Variants in PDE1C observed in about 807,000 individuals in gnomAD.
The protein encoded by PDE1C is phosphodiesterase 1C.
A neutral mutation model predicts 93.1 loss-of-function variants in PDE1C; 62 were observed. The observed-to-expected ratio is 0.67, with a 90% CI of 0.54 to 0.82. The LOEUF (loss-of-function observed/expected upper bound fraction) is 0.82, where lower values mean the gene tolerates loss of function less well. PDE1C is among the 40% of genes least tolerant of loss of function. PDE1C has a pLI of 0.00. For synonymous variants in PDE1C, 325 were observed against 310.1 expected (o/e 1.05, Z -0.50); for missense variants, 742 against 884.6 (o/e 0.84, Z 2.04).
chr7:31,837,482 A>C (rs1437692873), intron 10 of PDE1C, among the ~76,000 whole-genome samples, 182 bp from the exon 11 acceptor site: 1 of 152,206 alleles, frequency 6.6e-6, no homozygotes, highest in Non-Finnish European at 1.5e-5. Context: ...CTTGGTCTCC[A>C]TATTTACGGA....
intron 1 of PDE1C, among the ~76,000 whole-genome samples, chr7:32,372,953 A>G (rs1784358773): frequency 6.6e-6 from 1 of 152,250 alleles, no homozygotes; most frequent in African/African-American, 2.4e-5. Context: ...TTAAAATGCT[A>G]TGCATTCCAA....
intron 13 of PDE1C, 23 bp from the exon 14 acceptor site, chr7:31,823,271 C>A (rs377433263): frequency 1.1e-4 from 182 of 1,594,742 alleles, no homozygotes; most frequent in Non-Finnish European, 1.5e-4. Context: ...AAAATCATAC[C>A]AAAGAAGAGA....
chr7:31,750,263 A>C (rs1337560621), downstream of PDE1C, among the ~76,000 whole-genome samples: 1 of 150,158 alleles, frequency 6.7e-6, no homozygotes, highest in Non-Finnish European at 1.5e-5. Context: ...TCATGAGGGC[A>C]AGAGACGGCC....
rs759907476 is a variant in PDE1C at position 31,815,917 on chromosome 7, T to C, written c.1813+7A>G. Reference sequence around the variant, plus strand: ...AAAGAGCCCTTCACCAGTGTAAGTCTACTCACCATTCTGTTGCTGTTCTCC... The same window carrying C: ...AAAGAGCCCTTCACCAGTGTAAGTCCACTCACCATTCTGTTGCTGTTCTCC... On this transcript the variant is annotated splice_region_variant and intron_variant, in intron 15 of 17. Coordinates refer to ENST00000396191, the MANE Select transcript of PDE1C (RefSeq NM_001191057.4). 1.3e-6 allele frequency: 2 copies of C among 1,584,292 alleles called. No individual in the cohort carries two copies. The highest frequency in any genetic ancestry group is 1.7e-5 in the Admixed American group (1 of 59,958).
chr7:32,110,890 CTCTCACATTGAACACA>C (rs1261738655), intron 3 of PDE1C, among the ~76,000 whole-genome samples: 5 of 152,280 alleles, frequency 3.3e-5, no homozygotes, highest in Admixed American at 1.3e-4. Context: ...ATTGAACATA[CTCTCACATTGAACACA>C]TCTCACATTG....
At chr7:32,182,266 T>C (rs900570291) in intron 2 of PDE1C, among the ~76,000 whole-genome samples, 49 of 152,230 alleles carry the variant, frequency 3.2e-4, no homozygotes, top group African/African-American at 9.9e-4. Context: ...TTCCAATCAA[T>C]AGAAAAAGAG....
intron 2 of PDE1C, among the ~76,000 whole-genome samples, chr7:32,048,193 G>A (rs73098636): frequency 6.6e-6 from 1 of 152,110 alleles, no homozygotes; most frequent in Non-Finnish European, 1.5e-5. Flanking sequence ...AAGGCTGAAG[G>A]TTTGCTCTAT....
At chr7:32,096,016 G>T (rs1029864437) in intron 3 of PDE1C, among the ~76,000 whole-genome samples, 1 of 152,132 alleles carries the variant, frequency 6.6e-6, no homozygotes, top group Non-Finnish European at 1.5e-5. Context: ...GCTCAAATAA[G>T]TTATAGAAAT....
At chr7:32,239,956 T>C (rs1808418507) in intron 1 of PDE1C, among the ~76,000 whole-genome samples, 1 of 152,216 alleles carries the variant, frequency 6.6e-6, no homozygotes, top group Non-Finnish European at 1.5e-5. Context: ...CTCTTTCCTT[T>C]TGTCACAATC....
intron 3 of PDE1C, among the ~76,000 whole-genome samples, chr7:32,132,885 G>A (rs931296641): frequency 5.3e-5 from 8 of 151,988 alleles, no homozygotes; most frequent in Non-Finnish European, 1.0e-4. Context: ...GACTAGATGT[G>A]GGATTTGTGA....
At chr7:31,905,904 T>TC (rs1375587002) in intron 2 of PDE1C, among the ~76,000 whole-genome samples, 1 of 152,118 alleles carries the variant, frequency 6.6e-6, no homozygotes, top group Non-Finnish European at 1.5e-5. Context: ...ACGGGACTTT[T>TC]CCCCCTCTTG....
the PDE1C span, among the ~76,000 whole-genome samples, chr7:31,633,275 C>G: frequency 6.6e-6 from 1 of 152,132 alleles, no homozygotes; most frequent in African/African-American, 2.4e-5. Flanking sequence ...CTGCACTACT[C>G]CAAGGAGCAG....
intron 2 of PDE1C, among the ~76,000 whole-genome samples, chr7:32,192,367 G>A (rs1350617299): frequency 6.6e-6 from 1 of 151,878 alleles, no homozygotes; most frequent in Non-Finnish European, 1.5e-5. Flanking sequence ...ATTATTTTTT[G>A]TTTAATGTGT....
chr7:32,098,229 C>CAAAAAAAAAAAAAAAAAAAA (rs60146342), intron 3 of PDE1C, among the ~76,000 whole-genome samples: 16 of 46,232 alleles, frequency 3.5e-4, no homozygotes, highest in Admixed American at 4.5e-4. Context: ...GACTCCGTCT[C>CAAAAAAAAAAAAAAAAAAAA]AAAAAAAAAA....
chr7:32,059,901 C>T (rs1241297444), intron 1 of PDE1C, among the ~76,000 whole-genome samples: 2 of 152,204 alleles, frequency 1.3e-5, no homozygotes, highest in Non-Finnish European at 2.9e-5. Flanking sequence ...TATTTACAAC[C>T]ACTTGCTGTG....
chr7:32,138,318 G>A (rs141717194), intron 3 of PDE1C, among the ~76,000 whole-genome samples: 157 of 152,202 alleles, frequency 1.0e-3, no homozygotes, highest in African/African-American at 3.2e-3. Context: ...ACTTAGAGGT[G>A]TGTTATGAAA....
intron 17 of PDE1C, among the ~76,000 whole-genome samples, chr7:31,763,268 C>CTTTT (rs1463561923): frequency 6.6e-6 from 1 of 152,138 alleles, no homozygotes; most frequent in East Asian, 1.9e-4. Flanking sequence ...ATTGTAGAAA[C>CTTTT]ACAATTTAGC....
intron 1 of PDE1C, among the ~76,000 whole-genome samples, chr7:32,307,047 T>A (rs1310465083): frequency 1.3e-5 from 2 of 152,262 alleles, no homozygotes; most frequent in African/African-American, 4.8e-5. Context: ...CTGGAGAGGA[T>A]TCAGACCTTC....
At chr7:32,359,351 T>C (rs1562689663) in intron 1 of PDE1C, among the ~76,000 whole-genome samples, 2 of 152,240 alleles carry the variant, frequency 1.3e-5, no homozygotes, top group Non-Finnish European at 1.5e-5. Context: ...AGTACTTTAC[T>C]GTCTGGCTCT....
Sources: gnomAD v4.1 joint callset for allele counts (sites outside exome capture counted in the v4.1 genomes callset) on GRCh38, gnomAD v4.1.1 for gene constraint, MANE v1.5 for transcripts, NCBI Gene and HGNC (gene_info 2026-07-23, HGNC 2026-07-21) for gene names.